The following SMU1 variants were observed in gnomAD, a reference collection of about 807,000 sequenced individuals.
The protein encoded by SMU1 is WD40 repeat-containing protein SMU1.
In SMU1, 2 loss-of-function variants were observed where a neutral mutation model predicts 62.0. The ratio of observed to expected loss-of-function variants is 0.03; its 90% CI spans 0.01 to 0.10. SMU1 has a LOEUF of 0.10. SMU1 is among the 10% of genes least tolerant of loss of function. The probability of loss-of-function intolerance (pLI) is 1.00; values close to 1 mark genes in which losing one functional copy is unlikely to be tolerated. For missense variants in SMU1, 227 were observed against 622.1 expected, an observed-to-expected ratio of 0.36 and a Z score of 6.76; for synonymous variants, 188 against 212.4, an observed-to-expected ratio of 0.89 and a Z score of 1.00.
At chr9:33,073,409 G>C (rs566369904) in intron 2 of SMU1, among the ~76,000 whole-genome samples, 187 bp downstream of exon 2, 1 of 152,210 alleles carries the variant, frequency 6.6e-6, no homozygotes, top group Admixed American at 6.5e-5. Flanking sequence ...AAAAAGGAAA[G>C]AATTTTAATT....
At chr9:33,056,041 C>G in intron 9 of SMU1, 72 bp downstream of exon 9, 1 of 1,454,364 alleles carries the variant, frequency 6.9e-7, no homozygotes, top group Non-Finnish European at 9.3e-7. Context: ...TTCCCATTAT[C>G]ACCACTGAAA....
Position 33,044,629 on chromosome 9 carries a change from G to C in SMU1, c.*2664C>G, listed in dbSNP as rs1311760847. 1.3e-5 allele frequency: 2 copies of C among 152,256 alleles called. No individual in the cohort carries two copies. Among genetic ancestry groups the C allele is most frequent in the Non-Finnish European group, 2.9e-5 (2 of 68,060 alleles). 9.4% of individuals were successfully genotyped at this position (152,256 alleles called of 1,614,324 possible). The stretch of plus-strand genomic sequence containing the variant: ...TGTAAGCAGCGTGTGCCCATTTAAA[G>C]ACAAAATCAGTGTGTTTTTCAGGTT... On this transcript the variant is annotated 3_prime_UTR_variant, in exon 12 of 12. Coordinates refer to ENST00000397149, the MANE Select transcript of SMU1 (RefSeq NM_018225.3).
chr9:33,048,070 A>G (rs747705891), intron 11 of SMU1, 36 bp downstream of exon 11: 2 of 1,600,070 alleles, frequency 1.2e-6, no homozygotes, highest in South Asian at 2.2e-5. Flanking sequence ...AAGTCCTACC[A>G]TATTTCTTTA....
At chr9:33,074,585 G>A (rs1234673798) in intron 1 of SMU1, among the ~76,000 whole-genome samples, 1 of 152,026 alleles carries the variant, frequency 6.6e-6, no homozygotes, top group African/African-American at 2.4e-5. Context: ...ACTCTAGCCT[G>A]GGAAAGAGAG....
Position 33,048,191 on chromosome 9 carries a change from C to T in SMU1, c.1358G>A (p.Arg453His), listed in dbSNP as rs1839206631. 5 of 1,614,012 alleles carry T rather than the reference C, an allele frequency of 3.1e-6. No individual in the cohort carries two copies. Among genetic ancestry groups the T allele is most frequent in the East Asian group, 2.2e-5 (1 of 44,890 alleles). Residue 453 changes from arginine to histidine, a missense_variant, in exon 11 of 12, where the codon CGT (arginine) becomes CAT (histidine). By Grantham distance (29) the Arg-to-His change is conservative (BLOSUM62 0). This residue lies in a region of SMU1 where 25 missense variants were observed against 116.2 expected (regional missense o/e 0.22). Coordinates refer to ENST00000397149, the MANE Select transcript of SMU1 (RefSeq NM_018225.3). ...GDFVCCALSPRGEWIYCVGED... is the reference protein window; with the variant it reads ...GDFVCCALSPHGEWIYCVGED... Reference sequence around the variant, plus strand: ...CCCTACACAGTAGATCCATTCACCACGGGGAGAGAGGGCACAGCAAACAAA... The same window carrying T: ...CCCTACACAGTAGATCCATTCACCATGGGGAGAGAGGGCACAGCAAACAAA...
chr9:33,057,358 T>C (rs1839314493), intron 7 of SMU1, among the ~76,000 whole-genome samples: 1 of 152,144 alleles, frequency 6.6e-6, no homozygotes, highest in African/African-American at 2.4e-5. Context: ...AGAAAGGGCA[T>C]AAGCAGATAT....
chr9:33,060,555 A>G lies in SMU1; in HGVS notation c.660T>C (p.Ala220=). 2 of 1,611,870 alleles carry G rather than the reference A, an allele frequency of 1.2e-6. No individual in the cohort carries two copies. The highest frequency in any genetic ancestry group is 1.7e-6 in the Non-Finnish European group (2 of 1,179,544). The stretch of plus-strand genomic sequence containing the variant: ...AATACTGACCATCTGGAGAAAATCG[A>G]GCACACTCCACATGTGATTTCTGAC... ...KFGQKSHVEC[A]RFSPDGQYLV... The change falls in exon 6 of 12, where the codon GCT becomes GCC. Residue 220 remains alanine (A), a synonymous_variant. Transcript: ENST00000397149.
At chr9:33,049,781 C>A in intron 10 of SMU1, among the ~76,000 whole-genome samples, 1 of 151,790 alleles carries the variant, frequency 6.6e-6, no homozygotes, top group East Asian at 1.9e-4. Flanking sequence ...CACACACACA[C>A]ACACACAAAA....
intron 1 of SMU1, among the ~76,000 whole-genome samples, 177 bp from the exon 2 acceptor site, chr9:33,073,983 C>CA (rs1471996291): frequency 6.6e-6 from 1 of 152,170 alleles, no homozygotes; most frequent in Non-Finnish European, 1.5e-5. Context: ...ACCATAGAGA[C>CA]AGAACTGGGG....
At chr9:33,048,819 T>C (rs1839213542) in intron 10 of SMU1, among the ~76,000 whole-genome samples, 1 of 152,242 alleles carries the variant, frequency 6.6e-6, no homozygotes, top group Non-Finnish European at 1.5e-5. Context: ...AACAGATCAG[T>C]GGTTGCCAAG....
At chr9:33,048,370 T>G in intron 10 of SMU1, 112 bp from the exon 11 acceptor site, 1 of 1,330,072 alleles carries the variant, frequency 7.5e-7, no homozygotes, top group South Asian at 1.4e-5. Flanking sequence ...TGGTTTACTA[T>G]CATTTGTAAT....
intron 6 of SMU1, among the ~76,000 whole-genome samples, chr9:33,059,230 T>G (rs1473931604): frequency 1.3e-5 from 2 of 152,130 alleles, no homozygotes; most frequent in African/African-American, 4.8e-5. Flanking sequence ...TATAGTATGC[T>G]ATCATCTGTA....
chr9:33,071,050 T>A (rs1839480271), intron 3 of SMU1, among the ~76,000 whole-genome samples: 1 of 152,238 alleles, frequency 6.6e-6, no homozygotes, highest in Non-Finnish European at 1.5e-5. Context: ...GATACATGCT[T>A]GAGGTGATGG....
chr9:33,076,258 A>G (rs979100487), intron 1 of SMU1, among the ~76,000 whole-genome samples: 2 of 152,214 alleles, frequency 1.3e-5, no homozygotes, highest in Admixed American at 6.5e-5. Context: ...CCTTGCGCAG[A>G]TAATTAGACT....
intron 10 of SMU1, among the ~76,000 whole-genome samples, chr9:33,049,685 C>T (rs1209670690): frequency 1.3e-5 from 2 of 152,110 alleles, no homozygotes; most frequent in Non-Finnish European, 1.5e-5. Flanking sequence ...AATCCCAGCA[C>T]TCTGGGAGGC....
intron 3 of SMU1, among the ~76,000 whole-genome samples, chr9:33,070,261 G>A (rs1244005956): frequency 6.6e-6 from 1 of 152,086 alleles, no homozygotes; most frequent in Non-Finnish European, 1.5e-5. Flanking sequence ...CACACACAAG[G>A]CAAACAGGTT....
chr9:33,061,975 C>T, intron 5 of SMU1, 74 bp downstream of exon 5: 2 of 1,514,344 alleles, frequency 1.3e-6, no homozygotes, highest in Non-Finnish European at 1.8e-6. Context: ...AAGCCCCTGG[C>T]ACAGGGCCTG....
At chr9:33,073,528 G>T in intron 2 of SMU1, 68 bp downstream of exon 2, 1 of 1,135,494 alleles carries the variant, frequency 8.8e-7, no homozygotes, top group Non-Finnish European at 1.3e-6. Flanking sequence ...GCTCACTGAC[G>T]CTTTTTAGTT....
intron 9 of SMU1, among the ~76,000 whole-genome samples, chr9:33,055,766 G>A (rs1033268275): frequency 2.6e-5 from 4 of 152,166 alleles, no homozygotes; most frequent in African/African-American, 7.2e-5. Flanking sequence ...TGAGACTTTC[G>A]TGAATTTGAC....
Sources: allele counts gnomAD v4.1 joint callset (sites outside exome capture counted in the v4.1 genomes callset), GRCh38; gene constraint gnomAD v4.1.1; regional missense constraint gnomAD v4.1.1; transcripts MANE v1.5; gene names NCBI Gene and HGNC (gene_info 2026-07-23, HGNC 2026-07-21).